The following RASGRP3 variants were observed in gnomAD, a reference collection of about 807,000 sequenced individuals.
RASGRP3 encodes RAS guanyl releasing protein 3, also known as ras guanyl-releasing protein 3.
A neutral mutation model predicts 82.7 loss-of-function variants in RASGRP3; 54 were observed. The observed-to-expected ratio is 0.65, with a 90% CI of 0.52 to 0.82. The LOEUF (loss-of-function observed/expected upper bound fraction) is 0.82, where lower values mean the gene tolerates loss of function less well. Among genes scored for constraint, RASGRP3 ranks in the 40% least tolerant of loss-of-function variants. RASGRP3 has a pLI of 0.00. For missense variants in RASGRP3, 861 were observed against 828.9 expected (o/e 1.04, Z -0.48); for synonymous variants, 309 against 300.5 (o/e 1.03, Z -0.29).
chr2:33,497,790 G>C (rs566749200), intron 1 of RASGRP3, among the ~76,000 whole-genome samples: 1 of 152,286 alleles, frequency 6.6e-6, no homozygotes, highest in East Asian at 1.9e-4. Context: ...TCATTGAATG[G>C]TTTGGGTGGT....
At chr2:33,547,591 G>C (rs1365756991) in intron 13 of RASGRP3, among the ~76,000 whole-genome samples, 1 of 152,002 alleles carries the variant, frequency 6.6e-6, no homozygotes, top group Non-Finnish European at 1.5e-5. Flanking sequence ...ATCAGGAAGA[G>C]AGGTCTAGCA....
In RASGRP3 at chr2:33,539,074, G is replaced by GTTT; in HGVS notation, c.1162-12_1162-10dup. 1.0e-5 allele frequency: 13 copies of GTTT among 1,290,514 alleles called. No homozygotes were observed. The highest frequency in any genetic ancestry group is 3.0e-5 in the South Asian group (2 of 66,922). 79.9% of individuals were successfully genotyped at this position (1,290,514 alleles called of 1,614,324 possible). A position where few individuals can be genotyped will look rare whatever the true frequency, so the allele number is the denominator to read the frequency against. ...TAATAATAAAGTTGAAAAATATGTG[G>GTTT]TTTTTTTTTTGTTTATCAGCAGCCT... On this transcript the variant is annotated intron_variant, in intron 11 of 17. Transcript: ENST00000403687.
At chr2:33,542,502 T>G (rs1674369659) in intron 12 of RASGRP3, among the ~76,000 whole-genome samples, 1 of 147,410 alleles carries the variant, frequency 6.8e-6, no homozygotes, top group Non-Finnish European at 1.5e-5. Flanking sequence ...GCATTAAATG[T>G]ATGCTTTAAT....
intron 17 of RASGRP3, among the ~76,000 whole-genome samples, chr2:33,560,239 C>T (rs1574512951): frequency 6.6e-6 from 1 of 152,158 alleles, no homozygotes; most frequent in Non-Finnish European, 1.5e-5. Context: ...TCCCCCAACT[C>T]ACCCCAGCCA....
chr2:33,561,467 A>G (rs1363004731), intron 17 of RASGRP3, among the ~76,000 whole-genome samples: 1 of 152,216 alleles, frequency 6.6e-6, no homozygotes, highest in Non-Finnish European at 1.5e-5. Context: ...TATGAAATGC[A>G]TATATATGGT....
At chr2:33,534,185 G>A in intron 10 of RASGRP3, 138 bp from the exon 11 acceptor site, 1 of 629,590 alleles carries the variant, frequency 1.6e-6, no homozygotes, top group Non-Finnish European at 2.8e-6. Flanking sequence ...ATCTCTGCGT[G>A]CCGTCTTTTT....
At chr2:33,548,381 A>AG (rs1553363580) in intron 13 of RASGRP3, among the ~76,000 whole-genome samples, 1 of 128,042 alleles carries the variant, frequency 7.8e-6, no homozygotes, top group Non-Finnish European at 1.6e-5. Context: ...AAAAAAAAAA[A>AG]AAGAAGGTAG....
intron 16 of RASGRP3, 79 bp from the exon 17 acceptor site, chr2:33,558,593 C>A: frequency 7.8e-7 from 1 of 1,289,652 alleles, no homozygotes; most frequent in Non-Finnish European, 1.1e-6. Flanking sequence ...ATGCCAGACT[C>A]GTGCTGTTTG....
intron 1 of RASGRP3, among the ~76,000 whole-genome samples, chr2:33,437,629 A>G (rs1389943355): frequency 1.3e-5 from 2 of 152,234 alleles, no homozygotes; most frequent in East Asian, 3.8e-4. Flanking sequence ...AAGCCAGAAA[A>G]GCAGAACCAG....
intron 1 of RASGRP3, among the ~76,000 whole-genome samples, chr2:33,437,642 A>G (rs1664996116): frequency 6.6e-6 from 1 of 152,234 alleles, no homozygotes; most frequent in Admixed American, 6.5e-5. Flanking sequence ...AGAACCAGCT[A>G]GAACCGGCAC....
intron 7 of RASGRP3, among the ~76,000 whole-genome samples, chr2:33,522,780 A>C (rs1169657825): frequency 6.6e-6 from 1 of 152,132 alleles, no homozygotes. Context: ...CTCCTTTTCC[A>C]AGGTGTCAGA....
At chr2:33,463,044 T>C (rs78933229) in intron 2 of RASGRP3, among the ~76,000 whole-genome samples, 123 of 152,274 alleles carry the variant, frequency 8.1e-4, no homozygotes, top group African/African-American at 2.5e-3. Context: ...AAGATCTAGA[T>C]TCAGATTAAC....
intron 1 of RASGRP3, among the ~76,000 whole-genome samples, chr2:33,446,416 C>G (rs1029431542): frequency 6.6e-6 from 1 of 152,078 alleles, no homozygotes; most frequent in Non-Finnish European, 1.5e-5. Context: ...CTCGGCCTCC[C>G]AAAGTGCTGG....
chr2:33,474,386 A>G (rs547926296), upstream of RASGRP3, among the ~76,000 whole-genome samples: 248 of 152,206 alleles, frequency 1.6e-3, 1 homozygote, highest in Non-Finnish European at 5.1e-4. Context: ...CCCAGGCTGG[A>G]GTGCAGTGCA....
chr2:33,458,460 T>C (rs954019417), intron 2 of RASGRP3, among the ~76,000 whole-genome samples: 1 of 152,202 alleles, frequency 6.6e-6, no homozygotes, highest in Admixed American at 6.5e-5. Flanking sequence ...ATTAAAAATA[T>C]AGACAGATAT....
At chr2:33,500,294 C>T (rs1669742951) in intron 1 of RASGRP3, among the ~76,000 whole-genome samples, 1 of 152,022 alleles carries the variant, frequency 6.6e-6, no homozygotes, top group African/African-American at 2.4e-5. Flanking sequence ...ATTTTGGAGA[C>T]AGGAGTTCCG....
chr2:33,510,312 T>TA (rs535105943), intron 1 of RASGRP3, among the ~76,000 whole-genome samples: 157 of 152,346 alleles, frequency 1.0e-3, no homozygotes, highest in Middle Eastern at 6.8e-3. Context: ...ACTTACTAGT[T>TA]ACAATATTTC....
intron 1 of RASGRP3, among the ~76,000 whole-genome samples, chr2:33,488,825 A>G (rs966118000): frequency 6.6e-6 from 1 of 152,228 alleles, no homozygotes; most frequent in African/African-American, 2.4e-5. Context: ...ATGTTCATTC[A>G]AATGTTTTTT....
chr2:33,513,990 C>T (rs1558467945), intron 2 of RASGRP3: 1 of 152,178 alleles, frequency 6.6e-6, no homozygotes, highest in Non-Finnish European at 1.5e-5. Flanking sequence ...GGAGTCCTGA[C>T]TCTAGGCCTT....
Sources: gnomAD v4.1 joint callset for allele counts (sites outside exome capture counted in the v4.1 genomes callset) on GRCh38, gnomAD v4.1.1 for gene constraint, MANE v1.5 for transcripts, NCBI Gene and HGNC (gene_info 2026-07-23, HGNC 2026-07-21) for gene names.